UMAD1: variants seen among roughly 807,000 people sequenced by gnomAD.
UMAD1 encodes the protein UBAP1-MVB12-associated (UMA) domain containing 1, also known as UBAP1-MVB12-associated (UMA)-domain containing protein 1.
Under a neutral mutation model 6.1 loss-of-function variants are expected in UMAD1, and 8 were observed. The observed-to-expected ratio is 1.30, with a 90% CI of 0.76 to 2.35. The LOEUF is 2.35. Among genes scored for constraint, UMAD1 ranks in the 30% most tolerant of loss-of-function variants. The pLI, the probability that UMAD1 is intolerant of heterozygous loss-of-function variation, is 0.00. For synonymous variants in UMAD1, 56 were observed against 31.4 expected (o/e 1.78, Z -2.61); for missense variants, 130 against 78.4 (o/e 1.66, Z -2.49).
intron 3 of UMAD1, among the ~76,000 whole-genome samples, chr7:7,863,123 T>C (rs1784146089): frequency 6.6e-6 from 1 of 152,162 alleles, no homozygotes; most frequent in South Asian, 2.1e-4. Flanking sequence ...GATACATACT[T>C]GTTTTATAGT....
chr7:7,665,220 G>A (rs1779411271), intron 1 of UMAD1, among the ~76,000 whole-genome samples: 1 of 152,098 alleles, frequency 6.6e-6, no homozygotes, highest in Non-Finnish European at 1.5e-5. Flanking sequence ...GGAAGCCTTG[G>A]AGTAATAGGA....
rs1330600258 is a variant in UMAD1 at position 7,877,382 on chromosome 7, G to A, written c.258G>A (p.Leu86=). 7.0e-6 allele frequency: 5 copies of A among 717,608 alleles called. No individual in the cohort carries two copies. The Admixed American group carries it at 1.0e-4, about 14-fold the overall frequency. 44.5% of individuals were successfully genotyped at this position (717,608 alleles called of 1,614,324 possible). A position where few individuals can be genotyped will look rare whatever the true frequency, so the allele number is the denominator to read the frequency against. ...ACAGCTCATTAATGGCCGAGCTCCT[G>A]AGCGATGTGCCGTTCACCCTGGCCC... ...LENSSLMAEL[L]SDVPFTLAPH... is the part of the protein sequence containing the mutation. The change falls in exon 4 of 4, where the codon CTG becomes CTA. Residue 86 remains leucine, a synonymous_variant. Transcript: ENST00000682710.
chr7:7,756,473 T>G (rs535608889), intron 2 of UMAD1, among the ~76,000 whole-genome samples: 2 of 152,286 alleles, frequency 1.3e-5, no homozygotes, highest in Non-Finnish European at 2.9e-5. Flanking sequence ...ATATCTTGAT[T>G]TAAGGTTCCA....
intron 3 of UMAD1, among the ~76,000 whole-genome samples, chr7:7,849,324 A>G (rs1783869959): frequency 6.6e-6 from 1 of 152,168 alleles, no homozygotes; most frequent in Non-Finnish European, 1.5e-5. Flanking sequence ...GAGGTACAGA[A>G]ACATAAGGTA....
At chr7:7,784,737 T>G (rs1652173130) in intron 2 of UMAD1, among the ~76,000 whole-genome samples, 1 of 150,036 alleles carries the variant, frequency 6.7e-6, no homozygotes, top group Admixed American at 6.7e-5. Flanking sequence ...ATGTTTTACA[T>G]TAGCTTCTGC....
intron 2 of UMAD1, among the ~76,000 whole-genome samples, chr7:7,728,372 A>G (rs1185210561): frequency 6.6e-5 from 10 of 152,188 alleles, no homozygotes; most frequent in Admixed American, 5.9e-4. Context: ...CAGGCCGGGC[A>G]CAGTGGCTCA....
At chr7:7,672,113 A>T (rs1779620700) in intron 1 of UMAD1, among the ~76,000 whole-genome samples, 1 of 151,978 alleles carries the variant, frequency 6.6e-6, no homozygotes, top group Non-Finnish European at 1.5e-5. Context: ...TTAAATCCTC[A>T]CCCTCCCTTC....
chr7:7,653,754 T>G (rs1486780678), intron 1 of UMAD1, among the ~76,000 whole-genome samples: 1 of 152,200 alleles, frequency 6.6e-6, no homozygotes, highest in East Asian at 1.9e-4. Context: ...TCTTGTAATG[T>G]CTTGGTTCTC....
chr7:7,745,596 T>G (rs1294761758), intron 2 of UMAD1, among the ~76,000 whole-genome samples: 1 of 152,236 alleles, frequency 6.6e-6, no homozygotes, highest in Non-Finnish European at 1.5e-5. Flanking sequence ...GCTTATAGTC[T>G]AGCGAACAGG....
In UMAD1 at chr7:7,818,946, T is replaced by A. The variant is rs542624732; in HGVS notation, c.156+17203T>A. ...CTCACTGCAGTCTCCACCTCCCAGG[T>A]CCAAGCGATTCTCCTGCCTCAGCCT... On this transcript the variant is annotated intron_variant, in intron 3 of 3. Transcript: ENST00000682710. Among the ~76,000 whole-genome samples, 3 of 152,280 alleles carry A rather than the reference T, an allele frequency of 2.0e-5. No homozygotes were observed. In the East Asian group the frequency reaches 5.8e-4, roughly 29 times the overall value.
At chr7:7,660,874 T>C (rs1028096292) in intron 1 of UMAD1, among the ~76,000 whole-genome samples, 1 of 152,250 alleles carries the variant, frequency 6.6e-6, no homozygotes, top group Admixed American at 6.5e-5. Context: ...GAAGTTCTCC[T>C]GGATAATATC....
Position 7,732,231 on chromosome 7 carries a change from C to A in UMAD1, c.82+58778C>A, listed in dbSNP as rs113774605. ...TTTTGTTAAACGTAAAAGAGTAGATCCTCCCATGAAGTTCCAGTTGAGTGT... is the reference window on the plus strand; with the variant it reads ...TTTTGTTAAACGTAAAAGAGTAGATACTCCCATGAAGTTCCAGTTGAGTGT... On this transcript the variant is annotated intron_variant, in intron 2 of 3. Coordinates refer to ENST00000682710, the MANE Select transcript of UMAD1 (RefSeq NM_001302348.2). Among the ~76,000 whole-genome samples the A allele has an allele frequency of 8.3e-3, 1,263 of 151,990 alleles. 22 individuals are homozygous for A. Among genetic ancestry groups the A allele is most frequent in the African/African-American group, 0.029 (1,205 of 41,430 alleles).
chr7:7,778,018 A>G (rs546659328), intron 2 of UMAD1, among the ~76,000 whole-genome samples: 1 of 152,340 alleles, frequency 6.6e-6, no homozygotes, highest in East Asian at 1.9e-4. Flanking sequence ...CAAGTGGGGC[A>G]TTGCAGAAAA....
intron 2 of UMAD1, among the ~76,000 whole-genome samples, chr7:7,729,898 C>T (rs1031265601): frequency 1.3e-5 from 2 of 152,208 alleles, no homozygotes; most frequent in African/African-American, 4.8e-5. Context: ...TATTCCCACT[C>T]GTTCACTGAA....
At chr7:7,678,362 G>A (rs1278313982) in intron 2 of UMAD1, among the ~76,000 whole-genome samples, 3 of 147,878 alleles carry the variant, frequency 2.0e-5, no homozygotes, top group African/African-American at 7.4e-5. Flanking sequence ...TTTTTAATAT[G>A]CCTATTGGTC....
At chr7:7,851,974 C>G (rs1783925013) in intron 3 of UMAD1, among the ~76,000 whole-genome samples, 1 of 151,924 alleles carries the variant, frequency 6.6e-6, no homozygotes, top group South Asian at 2.1e-4. Context: ...TGAAGATTTA[C>G]CCTTATGTTT....
At chr7:7,863,231 G>A (rs929483620) in intron 3 of UMAD1, among the ~76,000 whole-genome samples, 10 of 152,196 alleles carry the variant, frequency 6.6e-5, no homozygotes, top group Non-Finnish European at 1.3e-4. Context: ...TAGTGGTGGT[G>A]TGATAGTCAC....
chr7:7,725,983 A>T (rs1490399654), intron 2 of UMAD1, among the ~76,000 whole-genome samples: 1 of 152,254 alleles, frequency 6.6e-6, no homozygotes, highest in Non-Finnish European at 1.5e-5. Flanking sequence ...CCCAATGGGC[A>T]GAACTTTGAG....
chr7:7,832,338 C>T (rs1009871576), intron 3 of UMAD1, among the ~76,000 whole-genome samples: 1 of 151,720 alleles, frequency 6.6e-6, no homozygotes, highest in Non-Finnish European at 1.5e-5. Context: ...ATTTTTTTTT[C>T]CCTTGAAAAT....
Sources: gnomAD v4.1 joint callset for allele counts (sites outside exome capture counted in the v4.1 genomes callset) on GRCh38, gnomAD v4.1.1 for gene constraint, MANE v1.5 for transcripts, NCBI Gene and HGNC (gene_info 2026-07-23, HGNC 2026-07-21) for gene names.